Variants in GRM8 observed in about 807,000 individuals in gnomAD.
GRM8 encodes glutamate metabotropic receptor 8, also known as metabotropic glutamate receptor 8.
A neutral mutation model predicts 87.2 loss-of-function variants in GRM8; 47 were observed. That is an observed-to-expected ratio of 0.54 (90% CI 0.43 to 0.69). The LOEUF is 0.69. Among genes scored for constraint, GRM8 ranks in the 30% least tolerant of loss-of-function variants. The pLI is 0.00. For synonymous variants in GRM8, 396 were observed against 404.5 expected (o/e 0.98, Z 0.25); for missense variants, 1,019 against 1,139.2 (o/e 0.89, Z 1.52).
intron 6 of GRM8, among the ~76,000 whole-genome samples, chr7:126,814,932 CT>C (rs1220880154): frequency 1.3e-5 from 2 of 152,020 alleles, no homozygotes; most frequent in Non-Finnish European, 2.9e-5. Flanking sequence ...GGACAAATGA[CT>C]TTAAACAAAT....
At chr7:127,197,985 C>CA (rs369533915) in intron 2 of GRM8, among the ~76,000 whole-genome samples, 219 of 144,322 alleles carry the variant, frequency 1.5e-3, no homozygotes, top group African/African-American at 4.4e-3. Context: ...GATGTGGAAT[C>CA]AAAAAAAAAA....
At chr7:127,231,927 A>G (rs1034393708) in intron 2 of GRM8, among the ~76,000 whole-genome samples, 1 of 151,698 alleles carries the variant, frequency 6.6e-6, no homozygotes, top group African/African-American at 2.4e-5. Flanking sequence ...CGCTGAAACG[A>G]TATTAAAATT....
chr7:127,249,039 G>A (rs1219130112), intron 1 of GRM8, among the ~76,000 whole-genome samples: 1 of 152,196 alleles, frequency 6.6e-6, no homozygotes, highest in Non-Finnish European at 1.5e-5. Context: ...TAAGTTGTAG[G>A]TACAATATAA....
chr7:126,898,965 T>C (rs139308140), intron 6 of GRM8, among the ~76,000 whole-genome samples: 6,221 of 151,872 alleles, frequency 0.041, 420 homozygotes, highest in African/African-American at 0.14. Flanking sequence ...CTGTGTGATG[T>C]TCCCCTCTCT....
intron 2 of GRM8, among the ~76,000 whole-genome samples, chr7:127,204,336 T>A (rs894600664): frequency 1.3e-5 from 2 of 152,174 alleles, no homozygotes; most frequent in African/African-American, 4.8e-5. Context: ...CAAAGCAATG[T>A]GGTCAGGAAA....
intron 3 of GRM8, among the ~76,000 whole-genome samples, chr7:127,014,558 T>C (rs1377371213): frequency 1.3e-5 from 2 of 152,074 alleles, no homozygotes; most frequent in Non-Finnish European, 2.9e-5. Context: ...GAGATGGTAA[T>C]ATTTAACTCA....
At chr7:126,938,379 G>A (rs74839476) in intron 3 of GRM8, among the ~76,000 whole-genome samples, 2,427 of 152,220 alleles carry the variant, frequency 0.016, 60 homozygotes, top group African/African-American at 0.055. Flanking sequence ...CATCTATGTT[G>A]TTTGAAGTAT....
intron 7 of GRM8, among the ~76,000 whole-genome samples, chr7:126,641,161 A>C: frequency 6.6e-6 from 1 of 152,256 alleles, no homozygotes; most frequent in South Asian, 2.1e-4. Context: ...TAGCAATGGG[A>C]ATACTTTACT....
intron 7 of GRM8, among the ~76,000 whole-genome samples, chr7:126,618,151 A>T (rs1303519005): frequency 1.3e-5 from 2 of 152,190 alleles, no homozygotes; most frequent in Non-Finnish European, 2.9e-5. Context: ...AGTAACCAAA[A>T]CAGCATGGTA....
At chr7:126,584,586 A>C (rs1355413186) in intron 8 of GRM8, among the ~76,000 whole-genome samples, 2 of 152,362 alleles carry the variant, frequency 1.3e-5, no homozygotes, top group East Asian at 3.9e-4. Context: ...GAAGCAAAAT[A>C]AGACTACCTT....
chr7:127,251,944 C>A (rs1467402618), intron 1 of GRM8, among the ~76,000 whole-genome samples: 3 of 152,040 alleles, frequency 2.0e-5, no homozygotes, highest in Non-Finnish European at 4.4e-5. Flanking sequence ...GCAGAGCGTG[C>A]GCCGTGCGGG....
chr7:127,082,863 T>C (rs1204492526), intron 3 of GRM8, among the ~76,000 whole-genome samples: 1 of 152,160 alleles, frequency 6.6e-6, no homozygotes, highest in Non-Finnish European at 1.5e-5. Context: ...GGAGAAATCA[T>C]TTGTCTAACA....
intron 7 of GRM8, among the ~76,000 whole-genome samples, chr7:126,667,098 A>G (rs1805855091): frequency 6.6e-6 from 1 of 152,222 alleles, no homozygotes; most frequent in Non-Finnish European, 1.5e-5. Flanking sequence ...AATAGCACTT[A>G]CTATATGTCA....
chr7:127,234,436 T>C (rs1797868480), intron 2 of GRM8, among the ~76,000 whole-genome samples: 1 of 152,150 alleles, frequency 6.6e-6, no homozygotes, highest in Admixed American at 6.5e-5. Flanking sequence ...TAAAAATAAA[T>C]CCACACAACA....
chr7:126,604,897 T>G (rs1361579814), intron 8 of GRM8, among the ~76,000 whole-genome samples: 2 of 152,172 alleles, frequency 1.3e-5, no homozygotes, highest in African/African-American at 4.8e-5. Flanking sequence ...CAAATTACAC[T>G]CTGCCACTAA....
chr7:126,848,184 G>A (rs928183862), intron 6 of GRM8, among the ~76,000 whole-genome samples: 2 of 152,178 alleles, frequency 1.3e-5, no homozygotes, highest in Admixed American at 6.5e-5. Flanking sequence ...ACAGATCTGA[G>A]CAGACAGGAT....
intron 2 of GRM8, among the ~76,000 whole-genome samples, chr7:127,190,295 A>G (rs1203979124): frequency 3.3e-5 from 5 of 152,216 alleles, no homozygotes; most frequent in Admixed American, 2.0e-4. Flanking sequence ...GCCACACAGC[A>G]GAGCCCAGGA....
chr7:127,022,585 T>C (rs988651660), intron 3 of GRM8, among the ~76,000 whole-genome samples: 2 of 151,876 alleles, frequency 1.3e-5, no homozygotes, highest in Non-Finnish European at 2.9e-5. Flanking sequence ...AAAAGGTATG[T>C]AAGAATAGGT....
chr7:126,687,411 A>T (rs2151356248), intron 7 of GRM8, among the ~76,000 whole-genome samples: 1 of 152,244 alleles, frequency 6.6e-6, no homozygotes, highest in South Asian at 2.1e-4. Flanking sequence ...CTCCATTGTT[A>T]TGGTTATCTG....
Sources: allele counts gnomAD v4.1 joint callset (sites outside exome capture counted in the v4.1 genomes callset), GRCh38; gene constraint gnomAD v4.1.1; transcripts MANE v1.5; gene names NCBI Gene and HGNC (gene_info 2026-07-23, HGNC 2026-07-21).